Variants in NLGN1 observed in about 807,000 individuals in gnomAD.
The protein encoded by NLGN1 is neuroligin-1.
NLGN1 carries 12 observed loss-of-function variants against 65.5 expected under a neutral mutation model. The observed-to-expected ratio is 0.18, with a 90% CI of 0.12 to 0.30. The LOEUF is 0.30. Among genes scored for constraint, NLGN1 ranks in the 10% least tolerant of loss-of-function variants. The pLI is 1.00. For missense variants in NLGN1, 750 were observed against 1,007.1 expected (o/e 0.74, Z 3.46); for synonymous variants, 350 against 359.5 (o/e 0.97, Z 0.30).
At chr3:173,979,329 A>C (rs775082584) in intron 4 of NLGN1, among the ~76,000 whole-genome samples, 3 of 152,148 alleles carry the variant, frequency 2.0e-5, no homozygotes, top group Non-Finnish European at 4.4e-5. Flanking sequence ...TTAAAGGATG[A>C]TAGGAATAAT....
At chr3:174,286,902 A>G (rs1752187386), downstream of NLGN1, among the ~76,000 whole-genome samples, 1 of 151,506 alleles carries the variant, frequency 6.6e-6, no homozygotes. Context: ...AAGGAAAAAG[A>G]AAAGAATGGA....
chr3:173,818,550 C>T (rs1032454361), intron 4 of NLGN1, among the ~76,000 whole-genome samples: 4 of 152,034 alleles, frequency 2.6e-5, no homozygotes, highest in Non-Finnish European at 5.9e-5. Context: ...CACAACCAAC[C>T]AGGCAAAGTT....
chr3:173,883,496 A>C (rs1426293590), intron 4 of NLGN1, among the ~76,000 whole-genome samples: 1 of 152,208 alleles, frequency 6.6e-6, no homozygotes, highest in Non-Finnish European at 1.5e-5. Context: ...AGGTGAGCAC[A>C]CATGAAGTGA....
Position 174,148,656 on chromosome 3 carries a change from A to G in NLGN1, c.647-126659A>G, listed in dbSNP as rs757512249. 3.5e-4 allele frequency among the ~76,000 whole-genome samples: 53 copies of G among 152,308 alleles called. No individual in the cohort carries two copies. The Middle Eastern group carries it at 0.014, about 39-fold the overall frequency. On this transcript the variant is annotated intron_variant, in intron 4 of 6. Transcript: ENST00000457714. ...ATACACTTTTGCATGGGTTAGAAGA[A>G]ACTTTACTTGCTCTAAATCTAAATA...
intron 4 of NLGN1, among the ~76,000 whole-genome samples, chr3:174,212,627 C>G (rs1736900170): frequency 6.6e-6 from 1 of 152,356 alleles, no homozygotes; most frequent in Admixed American, 6.5e-5. Flanking sequence ...CAGAATGTAT[C>G]CCTGTCATTA....
chr3:174,104,817 C>T (rs1372543324), intron 4 of NLGN1, among the ~76,000 whole-genome samples: 1 of 152,046 alleles, frequency 6.6e-6, no homozygotes. Flanking sequence ...TTTTCTTTGG[C>T]AGAGTTTTAG....
intron 3 of NLGN1, among the ~76,000 whole-genome samples, chr3:173,670,943 C>T (rs889775632): frequency 7.2e-5 from 11 of 152,070 alleles, no homozygotes; most frequent in South Asian, 2.1e-4. Context: ...AATAAATTAC[C>T]TAAAAAGTGC....
chr3:174,029,910 G>A (rs1729608993), intron 4 of NLGN1, among the ~76,000 whole-genome samples: 1 of 152,162 alleles, frequency 6.6e-6, no homozygotes, highest in Non-Finnish European at 1.5e-5. Flanking sequence ...GGCCTTTCCA[G>A]CCATGTGAAC....
chr3:173,632,950 A>G (rs554054305), intron 3 of NLGN1, among the ~76,000 whole-genome samples: 10 of 150,918 alleles, frequency 6.6e-5, no homozygotes, highest in African/African-American at 2.4e-4. Flanking sequence ...AATTGCTTCA[A>G]GCAAACTATC....
At chr3:174,248,337 G>T (rs1406059247) in intron 4 of NLGN1, among the ~76,000 whole-genome samples, 1 of 152,118 alleles carries the variant, frequency 6.6e-6, no homozygotes, top group Non-Finnish European at 1.5e-5. Context: ...ACAGAGTCAG[G>T]CAAATAGACA....
intron 2 of NLGN1, among the ~76,000 whole-genome samples, chr3:173,483,826 G>A (rs994392472): frequency 1.1e-4 from 17 of 152,094 alleles, no homozygotes; most frequent in Non-Finnish European, 5.9e-5. Flanking sequence ...AGCATCACAT[G>A]TCACTCCTCT....
exon 5 of NLGN1, chr3:174,275,338 G>C (rs777574185): frequency 6.2e-7 from 1 of 1,612,348 alleles, no homozygotes; most frequent in Non-Finnish European, 8.5e-7. Flanking sequence ...AGGCGATCAG[G>C]CTGCAAAGGG....
chr3:173,985,630 A>C (rs746841502), intron 4 of NLGN1, among the ~76,000 whole-genome samples: 6 of 152,198 alleles, frequency 3.9e-5, no homozygotes, highest in Non-Finnish European at 8.8e-5. Flanking sequence ...CTGAAGTCAT[A>C]CATTTTGTAA....
At chr3:173,516,284 T>C (rs1253992580) in intron 2 of NLGN1, among the ~76,000 whole-genome samples, 1 of 152,090 alleles carries the variant, frequency 6.6e-6, no homozygotes. Context: ...TTCCTTTTTA[T>C]TGAATATACT....
chr3:173,812,009 A>G (rs1718053501), intron 4 of NLGN1, among the ~76,000 whole-genome samples: 1 of 152,212 alleles, frequency 6.6e-6, no homozygotes, highest in African/African-American at 2.4e-5. Context: ...CTTGACATAA[A>G]TATCTTGGAG....
At chr3:173,593,241 ATTC>A (rs1748844214) in intron 2 of NLGN1, among the ~76,000 whole-genome samples, 3 of 152,086 alleles carry the variant, frequency 2.0e-5, no homozygotes, top group Non-Finnish European at 2.9e-5. Context: ...ATTATTTTTG[ATTC>A]AAGGGTACAT....
At chr3:174,240,716 A>G (rs775786752) in intron 4 of NLGN1, among the ~76,000 whole-genome samples, 3 of 152,242 alleles carry the variant, frequency 2.0e-5, no homozygotes, top group African/African-American at 4.8e-5. Flanking sequence ...TTTCTGGAAT[A>G]TTCAAGGGCT....
At chr3:174,260,852 G>A (rs1193554355) in intron 4 of NLGN1, among the ~76,000 whole-genome samples, 1 of 147,276 alleles carries the variant, frequency 6.8e-6, no homozygotes, top group Non-Finnish European at 1.5e-5. Flanking sequence ...ATCTTGAATT[G>A]ATTTTTGTAT....
At chr3:174,275,900 T>C (rs1750462735) in intron 5 of NLGN1, among the ~76,000 whole-genome samples, 1 of 151,936 alleles carries the variant, frequency 6.6e-6, no homozygotes. Flanking sequence ...GGATTGTATA[T>C]AATCTATTTT....
Sources: gnomAD v4.1 joint callset for allele counts (sites outside exome capture counted in the v4.1 genomes callset) on GRCh38, gnomAD v4.1.1 for gene constraint, MANE v1.5 for transcripts, NCBI Gene and HGNC (gene_info 2026-07-23, HGNC 2026-07-21) for gene names.